The following AP3B1 variants were observed in gnomAD, a reference collection of about 807,000 sequenced individuals.
AP3B1 encodes AP-3 complex subunit beta-1.
AP3B1 carries 61 observed loss-of-function variants against 132.5 expected under a neutral mutation model. That is an observed-to-expected ratio of 0.46 (90% CI 0.37 to 0.57). The LOEUF (loss-of-function observed/expected upper bound fraction) is 0.57. Ranked by LOEUF, AP3B1 falls within the 20% of genes least tolerant of loss-of-function variation. The pLI, the probability that AP3B1 is intolerant of heterozygous loss-of-function variation, is 0.00. For synonymous variants in AP3B1, 388 were observed against 438.3 expected, an observed-to-expected ratio of 0.89 and a Z score of 1.43; for missense variants, 1,120 against 1,289.4, an observed-to-expected ratio of 0.87 and a Z score of 2.01.
At chr5:78,076,998 A>G (rs181061827) in intron 22 of AP3B1, among the ~76,000 whole-genome samples, 3 of 152,224 alleles carry the variant, frequency 2.0e-5, no homozygotes, top group Non-Finnish European at 4.4e-5. Flanking sequence ...TGAACTAGAG[A>G]GTGGTTTTGG....
At chr5:78,219,593 T>C (rs1216673567) in intron 6 of AP3B1, among the ~76,000 whole-genome samples, 1 of 152,098 alleles carries the variant, frequency 6.6e-6, no homozygotes. Flanking sequence ...AAGGTTTCTG[T>C]AATATCTTTT....
chr5:78,202,298 TGG>T (rs1745324348), intron 7 of AP3B1, among the ~76,000 whole-genome samples: 1 of 152,132 alleles, frequency 6.6e-6, no homozygotes, highest in Admixed American at 6.5e-5. Flanking sequence ...AGCATGAAAA[TGG>T]ACTAATACAC....
chr5:78,172,539 T>C (rs1743963483), intron 11 of AP3B1, among the ~76,000 whole-genome samples: 1 of 152,242 alleles, frequency 6.6e-6, no homozygotes, highest in Admixed American at 6.5e-5. Flanking sequence ...ATTTATAGTA[T>C]TCTCTGATGG....
chr5:78,096,734 G>A (rs930282377), intron 21 of AP3B1, among the ~76,000 whole-genome samples: 7 of 150,186 alleles, frequency 4.7e-5, no homozygotes, highest in African/African-American at 1.5e-4. Flanking sequence ...CCTCCACCCG[G>A]CAACTGCCCC....
chr5:78,060,502 A>C (rs562992837), intron 22 of AP3B1, among the ~76,000 whole-genome samples: 4 of 152,228 alleles, frequency 2.6e-5, no homozygotes, highest in Non-Finnish European at 4.4e-5. Context: ...AATATATTAC[A>C]AATATAAAAG....
At chr5:78,180,461 T>C (rs1343295200) in intron 8 of AP3B1, among the ~76,000 whole-genome samples, 1 of 151,902 alleles carries the variant, frequency 6.6e-6, no homozygotes, top group Non-Finnish European at 1.5e-5. Flanking sequence ...CCAGTAGGTA[T>C]AGCAAACAAA....
At chr5:78,046,454 G>A (rs1748334163) in intron 22 of AP3B1, among the ~76,000 whole-genome samples, 1 of 152,132 alleles carries the variant, frequency 6.6e-6, no homozygotes, top group Admixed American at 6.5e-5. Context: ...TCCACAAAAC[G>A]GGTCCCTGGT....
At chr5:78,050,062 T>C (rs1748514536) in intron 22 of AP3B1, among the ~76,000 whole-genome samples, 1 of 152,190 alleles carries the variant, frequency 6.6e-6, no homozygotes, top group Admixed American at 6.5e-5. Context: ...CATGACTTCC[T>C]TGCTATTCCT....
At chr5:78,124,040 C>T (rs577830056) in intron 17 of AP3B1, among the ~76,000 whole-genome samples, 1 of 152,222 alleles carries the variant, frequency 6.6e-6, no homozygotes, top group East Asian at 1.9e-4. Context: ...GAGTTCATGT[C>T]CTTTGTAGGG....
intron 22 of AP3B1, among the ~76,000 whole-genome samples, chr5:78,051,121 T>C (rs1748562661): frequency 6.6e-6 from 1 of 152,176 alleles, no homozygotes. Context: ...CCACACATAT[T>C]TTATCAGTTT....
chr5:78,199,282 A>T lies in AP3B1; in HGVS notation c.786+16773T>A, dbSNP rs527899174. On this transcript the variant is annotated intron_variant, in intron 7 of 26. Coordinates refer to ENST00000255194, the MANE Select transcript of AP3B1 (RefSeq NM_003664.5). ...AACTTTGTACTGAGAAATCTAGAGG[A>T]TCTATAATAAAGCATTTTTCAAATT... is the stretch of plus-strand genomic sequence containing the variant. 2.0e-5 allele frequency among the ~76,000 whole-genome samples: 3 copies of T among 152,318 alleles called. No individual in the cohort carries two copies. The South Asian group carries it at 6.2e-4, about 32-fold the overall frequency.
chr5:78,090,126 A>G (rs192481822), intron 21 of AP3B1, among the ~76,000 whole-genome samples: 1 of 152,322 alleles, frequency 6.6e-6, no homozygotes, highest in African/African-American at 2.4e-5. Context: ...ACTGCCTACA[A>G]GATAAAAGCC....
chr5:78,269,970 G>A (rs943937083), intron 1 of AP3B1, among the ~76,000 whole-genome samples: 3 of 152,080 alleles, frequency 2.0e-5, no homozygotes, highest in Non-Finnish European at 4.4e-5. Context: ...CTGGAATGCA[G>A]TAGTGTGATC....
chr5:78,130,925 T>C, intron 15 of AP3B1, among the ~76,000 whole-genome samples: 1 of 151,946 alleles, frequency 6.6e-6, no homozygotes, highest in Admixed American at 6.6e-5. Flanking sequence ...CAAAATTAAT[T>C]TTTAGGAAAT....
chr5:78,205,991 A>AT (rs36088647), intron 7 of AP3B1, among the ~76,000 whole-genome samples: 5,919 of 152,232 alleles, frequency 0.039, 183 homozygotes, highest in East Asian at 0.13. Flanking sequence ...AAGAAAACTT[A>AT]TTTTTAACTA....
intron 1 of AP3B1, among the ~76,000 whole-genome samples, chr5:78,268,565 G>A (rs887434520): frequency 6.6e-6 from 1 of 152,216 alleles, no homozygotes; most frequent in East Asian, 1.9e-4. Context: ...AGAGAAGTGA[G>A]CAATGAAGAG....
intron 15 of AP3B1, among the ~76,000 whole-genome samples, chr5:78,138,867 G>A (rs2112321742): frequency 6.6e-6 from 1 of 151,226 alleles, no homozygotes; most frequent in East Asian, 1.9e-4. Flanking sequence ...CTACTCAGTG[G>A]GCTGAGGCAT....
intron 21 of AP3B1, among the ~76,000 whole-genome samples, chr5:78,100,307 T>C (rs1751076103): frequency 6.6e-6 from 1 of 152,192 alleles, no homozygotes; most frequent in Non-Finnish European, 1.5e-5. Context: ...ATCTCACTTC[T>C]TGTTACTCTT....
At chr5:78,213,272 T>C (rs868475023) in intron 7 of AP3B1, among the ~76,000 whole-genome samples, 1 of 152,178 alleles carries the variant, frequency 6.6e-6, no homozygotes, top group South Asian at 2.1e-4. Flanking sequence ...CTGAAGACTA[T>C]AAATGGCTAC....
Sources: allele counts gnomAD v4.1 joint callset (sites outside exome capture counted in the v4.1 genomes callset), GRCh38; gene constraint gnomAD v4.1.1; transcripts MANE v1.5; gene names NCBI Gene and HGNC (gene_info 2026-07-23, HGNC 2026-07-21).